MYH13: variants seen among roughly 807,000 people sequenced by gnomAD.
MYH13 encodes the protein myosin heavy chain 13.
A neutral mutation model predicts 232.1 loss-of-function variants in MYH13; 177 were observed. The observed-to-expected ratio is 0.76, with a 90% CI of 0.67 to 0.86. MYH13 has a LOEUF of 0.86. Among genes scored for constraint, MYH13 ranks in the 40% least tolerant of loss-of-function variants. The pLI, the probability that MYH13 is intolerant of heterozygous loss-of-function variation, is 0.00. For synonymous variants in MYH13, 884 were observed against 923.5 expected, an observed-to-expected ratio of 0.96 and a Z score of 0.78; for missense variants, 2,246 against 2,405.9, an observed-to-expected ratio of 0.93 and a Z score of 1.39.
At chr17:10,346,104 A>G (rs773381525) in intron 13 of MYH13, among the ~76,000 whole-genome samples, 1 of 152,016 alleles carries the variant, frequency 6.6e-6, no homozygotes, top group Non-Finnish European at 1.5e-5. Flanking sequence ...GTGTTTGCCC[A>G]GCTCATGTTG....
chr17:10,306,656 A>C lies in MYH13; in HGVS notation c.5296-27T>G, dbSNP rs1037575521. 1 of 1,613,160 alleles carries C rather than the reference A, an allele frequency of 6.2e-7. No individual in the cohort carries two copies. The highest frequency in any genetic ancestry group is 1.1e-5 in the South Asian group (1 of 91,022). ...TGGTTAAGTTCACAGGACACATCAGAGGCCCTGTCCGCCCATCCCTACCCA... is the reference window on the plus strand; with the variant it reads ...TGGTTAAGTTCACAGGACACATCAGCGGCCCTGTCCGCCCATCCCTACCCA... On this transcript the variant is annotated intron_variant, in intron 36 of 40. Transcript: ENST00000252172. The surrounding 1 kb of genome is among the most constrained non-coding windows in gnomAD (Gnocchi z 4.3).
rs2071818339 is a variant in MYH13 at position 10,364,488 on chromosome 17, G to T, written c.43C>A (p.Pro15Thr). Residue 15 changes from proline to threonine, a missense_variant, in exon 3 of 41, where the codon CCC (proline) becomes ACC (threonine). By Grantham distance (38) the Pro-to-Thr change is conservative. Coordinates refer to ENST00000252172, the MANE Select transcript of MYH13 (RefSeq NM_003802.3). Reference protein sequence around the residue: ...AEMAIFGEAAPYLRKPEKERI... With the variant: ...AEMAIFGEAATYLRKPEKERI... ...TCCTTCTCTGGTTTCCGGAGGTAGG[G>T]AGCTGCTTCTCCAAAAATGGCCATT... 1 of 1,609,210 alleles carries T rather than the reference G, an allele frequency of 6.2e-7. No homozygotes were observed. Among genetic ancestry groups the T allele is most frequent in the African/African-American group, 1.3e-5 (1 of 74,856 alleles).
chr17:10,324,373 G>T, intron 22 of MYH13, 109 bp from the exon 23 acceptor site: 2 of 1,365,776 alleles, frequency 1.5e-6, no homozygotes, highest in South Asian at 2.7e-5. Context: ...CAAGAAATGG[G>T]TCATGCACAC....
chr17:10,335,204 C>G (rs2071563930), intron 18 of MYH13, among the ~76,000 whole-genome samples: 1 of 152,196 alleles, frequency 6.6e-6, no homozygotes, highest in Non-Finnish European at 1.5e-5. Flanking sequence ...GCAGCCAAAA[C>G]TGTTTCACGT....
chr17:10,338,241 C>G (rs1597383082), intron 18 of MYH13, among the ~76,000 whole-genome samples: 1 of 149,922 alleles, frequency 6.7e-6, no homozygotes, highest in African/African-American at 2.5e-5. Flanking sequence ...AGACCTACTA[C>G]AAGCCAATGA....
chr17:10,324,355 A>T, intron 22 of MYH13, 91 bp from the exon 23 acceptor site: 1 of 1,500,294 alleles, frequency 6.7e-7, no homozygotes, highest in Non-Finnish European at 9.0e-7. Flanking sequence ...TATTATCTAC[A>T]CCTAAGCCAA....
chr17:10,336,280 TACCAATGCGTAAA>T (rs1323227059), intron 18 of MYH13, among the ~76,000 whole-genome samples: 1 of 152,184 alleles, frequency 6.6e-6, no homozygotes, highest in Admixed American at 6.5e-5. Context: ...TTTGCTTTTG[TACCAATGCGTAAA>T]ACTTCTAAAA....
At chr17:10,361,583 C>G (rs1179726992) in intron 5 of MYH13, among the ~76,000 whole-genome samples, 2 of 152,122 alleles carry the variant, frequency 1.3e-5, no homozygotes, top group Non-Finnish European at 2.9e-5. Context: ...TGTGAGCCAC[C>G]GCACCCAGCC....
chr17:10,353,217 T>G (rs1292874241), intron 11 of MYH13, among the ~76,000 whole-genome samples: 1 of 152,188 alleles, frequency 6.6e-6, no homozygotes, highest in Non-Finnish European at 1.5e-5. Flanking sequence ...CCTCTCCAGG[T>G]GCTGAGTGTG....
rs1291360426 is a variant in MYH13, at chr17:10,327,106, A to G, written c.2691+760T>C. ...AAGCTCCGCCTCCCAGGTTCACGCC[A>G]TTCTCCTGCCTCAGCCTCCCAAGTA... is the stretch of plus-strand genomic sequence containing the variant. On this transcript the variant is annotated intron_variant, in intron 22 of 40. Coordinates refer to ENST00000252172, the MANE Select transcript of MYH13 (RefSeq NM_003802.3). Among the ~76,000 whole-genome samples, 19 of 46,966 alleles carry G rather than the reference A, an allele frequency of 4.0e-4. 1 individual carries two copies. Among genetic ancestry groups the G allele is most frequent in the African/African-American group, 1.3e-3 (19 of 14,642 alleles). The allele number at this position is 46,966 out of a possible 152,430, so 30.8% of individuals were successfully genotyped here.
At position 10,332,231 on chromosome 17, in the gene MYH13, A is replaced by G; in HGVS notation, c.2175-9T>C. The stretch of plus-strand genomic sequence containing the variant: ...CATTGAGGATCCGGTACCTAAGGAG[A>G]GAGGACATTTCCCAAATGGATTCCA... On this transcript the variant is annotated splice_polypyrimidine_tract_variant and intron_variant, in intron 19 of 40. Transcript: ENST00000252172. 1 of 1,612,926 alleles carries G rather than the reference A, an allele frequency of 6.2e-7. No individual in the cohort carries two copies. The highest frequency in any genetic ancestry group is 8.5e-7 in the Non-Finnish European group (1 of 1,179,028).
chr17:10,367,374 A>G (rs2142152501), intron 2 of MYH13, among the ~76,000 whole-genome samples: 1 of 152,324 alleles, frequency 6.6e-6, no homozygotes, highest in African/African-American at 2.4e-5. Flanking sequence ...ATTGAGATGG[A>G]GTCTCAATGT....
intron 2 of MYH13, among the ~76,000 whole-genome samples, chr17:10,369,198 T>C (rs1199147140): frequency 6.6e-6 from 1 of 152,238 alleles, no homozygotes; most frequent in Non-Finnish European, 1.5e-5. Context: ...AATGCTTCTT[T>C]CATAGATTGT....
At chr17:10,320,330 G>A (rs760594792) in intron 25 of MYH13, 21 bp downstream of exon 25, 2 of 1,610,536 alleles carry the variant, frequency 1.2e-6, no homozygotes, top group Admixed American at 1.7e-5. Context: ...GAGACACAGA[G>A]GTGGTAAAAG....
At chr17:10,324,636 G>A (rs1907133213) in intron 22 of MYH13, among the ~76,000 whole-genome samples, 1 of 151,498 alleles carries the variant, frequency 6.6e-6, no homozygotes, top group Admixed American at 6.6e-5. Context: ...TGTAGAGATG[G>A]GATTTCACCA....
At chr17:10,326,725 C>T (rs1485840345) in intron 22 of MYH13, among the ~76,000 whole-genome samples, 3 of 151,632 alleles carry the variant, frequency 2.0e-5, no homozygotes, top group African/African-American at 7.3e-5. Flanking sequence ...GATCTGCCCG[C>T]CTCGGTCTCC....
intron 12 of MYH13, among the ~76,000 whole-genome samples, chr17:10,349,747 C>A (rs765743695): frequency 7.2e-5 from 11 of 152,100 alleles, no homozygotes; most frequent in Non-Finnish European, 1.5e-4. Flanking sequence ...GGTTGGTAAG[C>A]ATTTATGGGA....
intron 23 of MYH13, among the ~76,000 whole-genome samples, chr17:10,323,113 A>G (rs867233375): frequency 1.3e-5 from 2 of 152,144 alleles, no homozygotes; most frequent in African/African-American, 4.8e-5. Flanking sequence ...CCCGCAAGCA[A>G]TGCCACTACA....
In MYH13 at chr17:10,328,077, T is replaced by C. The variant is rs763741248; in HGVS notation, c.2480A>G (p.Asn827Ser). 4.3e-6 allele frequency: 7 copies of C among 1,613,984 alleles called. 1 individual carries two copies. In the East Asian group the frequency reaches 1.6e-4, roughly 36 times the overall value. The change falls in exon 22 of 41, where the codon AAC becomes AGC. Residue 827 changes from asparagine to serine, a missense_variant. Coordinates refer to ENST00000252172, the MANE Select transcript of MYH13 (RefSeq NM_003802.3). Reference sequence around the variant, plus strand: ...GTTCATCCAGGGCCAGTGCTTGACGTTCATAAAAGAGCGGATGTTGTACTG... The same window carrying C: ...GTTCATCCAGGGCCAGTGCTTGACGCTCATAAAAGAGCGGATGTTGTACTG... ...CIQYNIRSFM[N>S]VKHWPWMNLF...
Sources: allele counts gnomAD v4.1 joint callset (sites outside exome capture counted in the v4.1 genomes callset), GRCh38; gene constraint gnomAD v4.1.1; non-coding constraint Gnocchi (gnomAD v3.1); transcripts MANE v1.5; gene names NCBI Gene and HGNC (gene_info 2026-07-23, HGNC 2026-07-21).